Variants in KRT76 observed in about 807,000 individuals in gnomAD.
KRT76 encodes keratin, type II cytoskeletal 2 oral.
KRT76 carries 47 observed loss-of-function variants against 44.9 expected under a neutral mutation model. That is an observed-to-expected ratio of 1.05 (90% CI 0.83 to 1.33). The LOEUF is 1.33. KRT76 is among the 40% of genes most tolerant of loss of function. The pLI is 0.00. For missense variants in KRT76, 860 were observed against 775.8 expected (o/e 1.11, Z -1.29); for synonymous variants, 331 against 294.1 (o/e 1.13, Z -1.28).
In KRT76 at chr12:52,774,923, C is replaced by T. The variant is rs1939237127; in HGVS notation, c.815+465G>A. Among the ~76,000 whole-genome samples the T allele has an allele frequency of 2.0e-5, 3 of 152,156 alleles. No homozygotes were observed. In the South Asian group the frequency reaches 6.2e-4, roughly 32 times the overall value. On this transcript the variant is annotated intron_variant, in intron 2 of 8. Coordinates refer to ENST00000332411, the MANE Select transcript of KRT76 (RefSeq NM_015848.4). ...GCAGAACAGGAGATTGGACGGGACA[C>T]ACTGATAAAGGCCTTTACCAAGTGC...
In KRT76 at chr12:52,768,660, A is replaced by G; in HGVS notation, c.*53T>C. 2 of 1,540,492 alleles carry G rather than the reference A, an allele frequency of 1.3e-6. No homozygotes were observed. Among genetic ancestry groups the G allele is most frequent in the Middle Eastern group, 3.5e-4 (2 of 5,720 alleles). ...TGATGCCAAGCAGAGAGTGGGAAAC[A>G]CTATTGCAGGCTGAGTGGGAAGCAG... On this transcript the variant is annotated 3_prime_UTR_variant, in exon 9 of 9. Transcript: ENST00000332411.
Position 52,771,066 on chromosome 12 carries a change from T to C in KRT76, c.1417A>G (p.Asn473Asp). 1 of 1,614,136 alleles carries C rather than the reference T, an allele frequency of 6.2e-7. No individual in the cohort carries two copies. Among genetic ancestry groups the C allele is most frequent in the Non-Finnish European group, 8.5e-7 (1 of 1,180,024 alleles). ...TCCACATCCAGGGCCAGCTTGACGT[T>C]CATCAGCTCCTGGTAGTCACGCAGG... ...RLLRDYQELM[N>D]VKLALDVEIA... Residue 473 changes from asparagine (N) to aspartate (D), a missense_variant, in exon 7 of 9, where the codon AAC becomes GAC. Asn to Asp is a conservative substitution (Grantham distance 23, BLOSUM62 1). Transcript: ENST00000332411.
chr12:52,776,645 C>T (rs770545356), intron 1 of KRT76, 47 bp downstream of exon 1: 16 of 1,612,890 alleles, frequency 9.9e-6, no homozygotes, highest in Non-Finnish European at 1.3e-5. Flanking sequence ...TACACCGACC[C>T]CTGGGCACCC....
rs767930439 is a variant in KRT76, at chr12:52,769,516, C to T, written c.1519+33G>A. 202 of 1,601,520 alleles carry T rather than the reference C, an allele frequency of 1.3e-4. No individual in the cohort carries two copies. In the Middle Eastern group the frequency reaches 6.8e-3, roughly 54 times the overall value. On this transcript the variant is annotated intron_variant, in intron 8 of 8. Transcript: ENST00000332411. ...TTGTTTCTAGCTGCCCTTTTACAAC[C>T]CAGGGAGAGGGTTTTTTGAATGGGC...
chr12:52,775,810 C>T (rs532110713), intron 1 of KRT76, among the ~76,000 whole-genome samples: 6 of 152,210 alleles, frequency 3.9e-5, no homozygotes, highest in South Asian at 2.1e-4. Flanking sequence ...CATGTATTTC[C>T]GTCACATTTA....
chr12:52,777,238 A>G lies in KRT76; in HGVS notation c.54T>C (p.Ser18=), dbSNP rs746147114. 2.0e-5 allele frequency: 33 copies of G among 1,614,116 alleles called. 1 individual carries two copies. In the Admixed American group the frequency reaches 4.3e-4, roughly 21 times the overall value. ...KSFSGRSQGF[S]GRSAVVSGSS... ...TGCCGGAGACCACAGCAGAGCGGCC[A>G]GAGAAACCCTGGCTCCTGCCACTGA... Residue 18 remains serine, a synonymous_variant, in exon 1 of 9, where the codon TCT becomes TCC. Coordinates refer to ENST00000332411, the MANE Select transcript of KRT76 (RefSeq NM_015848.4).
chr12:52,770,925 C>T (rs1939169156), intron 7 of KRT76, 74 bp downstream of exon 7: 3 of 1,588,738 alleles, frequency 1.9e-6, no homozygotes, highest in Non-Finnish European at 2.6e-6. Context: ...TCCTTATCAT[C>T]TTGCCCCCTT....
chr12:52,772,320 C>T, intron 4 of KRT76, 62 bp from the exon 5 acceptor site: 1 of 1,486,850 alleles, frequency 6.7e-7, no homozygotes, highest in South Asian at 1.4e-5. Flanking sequence ...TGGGAATCCT[C>T]TACTAGCGGA....
Position 52,768,965 on chromosome 12 carries a change from G to C in KRT76, c.1665C>G (p.Ser555Arg). The C allele has an allele frequency of 1.6e-6, 2 of 1,267,408 alleles. No homozygotes were observed. Among genetic ancestry groups the C allele is most frequent in the Non-Finnish European group, 2.3e-6 (2 of 882,126 alleles). 78.5% of individuals were successfully genotyped at this position (1,267,408 alleles called of 1,614,324 possible). The part of the protein sequence containing the change: ...SSSGYGVSGG[S>R]GSGYGGVSSG... The stretch of plus-strand genomic sequence containing the variant: ...TGCTGACCCCTCCATAGCCACTGCC[G>C]CTGCCGCCACTGACTCCATAGCCAC... The change falls in exon 9 of 9, where the codon AGC (serine) becomes AGG (arginine). Residue 555 changes from serine (S) to arginine (R), a missense_variant. By Grantham distance (110) the Ser-to-Arg change is moderately radical. Coordinates refer to ENST00000332411, the MANE Select transcript of KRT76 (RefSeq NM_015848.4).
chr12:52,768,965 G>A lies in KRT76; in HGVS notation c.1665C>T (p.Ser555=), dbSNP rs140093642. 37,605 of 1,266,906 alleles carry A rather than the reference G, an allele frequency of 0.03. 695 individuals are homozygous for A. The highest frequency in any genetic ancestry group is 0.038 in the Middle Eastern group (205 of 5,446). The allele number at this position is 1,266,906 out of a possible 1,614,324, so 78.5% of individuals were successfully genotyped here. The part of the protein sequence containing the change: ...SSSGYGVSGG[S]GSGYGGVSSG... ...TGCTGACCCCTCCATAGCCACTGCC[G>A]CTGCCGCCACTGACTCCATAGCCAC... Residue 555 remains serine (S), a synonymous_variant, in exon 9 of 9, where the codon AGC becomes AGT. Coordinates refer to ENST00000332411, the MANE Select transcript of KRT76 (RefSeq NM_015848.4).
intron 8 of KRT76, 23 bp downstream of exon 8, chr12:52,769,526 G>A (rs1939146853): frequency 6.2e-6 from 10 of 1,609,036 alleles, no homozygotes; most frequent in South Asian, 2.2e-5. Context: ...CCAGGGAGAG[G>A]GTTTTTTGAA....
At chr12:52,772,707 G>T in intron 4 of KRT76, 76 bp downstream of exon 4, 1 of 1,049,458 alleles carries the variant, frequency 9.5e-7, no homozygotes, top group Non-Finnish European at 1.5e-6. Flanking sequence ...GTGTTGTGCT[G>T]TTTGGCTGTC....
At chr12:52,772,600 G>T (rs1325359190) in intron 4 of KRT76, among the ~76,000 whole-genome samples, 183 bp downstream of exon 4, 1 of 152,194 alleles carries the variant, frequency 6.6e-6, no homozygotes, top group Non-Finnish European at 1.5e-5. Flanking sequence ...AATGGCCTGA[G>T]GACCTGTGGG....
intron 1 of KRT76, 93 bp downstream of exon 1, chr12:52,776,599 C>T: frequency 1.3e-6 from 2 of 1,599,456 alleles, no homozygotes; most frequent in Non-Finnish European, 1.7e-6. Context: ...CCAAGCGCCC[C>T]TGCCCTGTGT....
rs183665387 is a variant in KRT76, at chr12:52,773,980, C to T, written c.816-338G>A. ...CCAAATAGCTGGGACTGGAGGCATG[C>T]ACCACCACGTCCAGCCAATTTTTTA... is the stretch of plus-strand genomic sequence containing the variant. On this transcript the variant is annotated intron_variant, in intron 2 of 8. Transcript: ENST00000332411. Among the ~76,000 whole-genome samples, 450 of 152,180 alleles carry T rather than the reference C, an allele frequency of 3.0e-3. 1 individual carries two copies. The highest frequency in any genetic ancestry group is 9.9e-3 in the African/African-American group (412 of 41,512).
intron 6 of KRT76, among the ~76,000 whole-genome samples, chr12:52,771,534 A>G (rs1320440717): frequency 6.6e-6 from 1 of 152,208 alleles, no homozygotes; most frequent in Non-Finnish European, 1.5e-5. Context: ...CTTCATTCCA[A>G]TGATACAGAG....
intron 7 of KRT76, 42 bp from the exon 8 acceptor site, chr12:52,769,625 C>A: frequency 1.3e-6 from 2 of 1,581,456 alleles, no homozygotes; most frequent in South Asian, 2.2e-5. Context: ...TGTTATGAGT[C>A]AATAACCAAA....
In KRT76 at chr12:52,769,855, T is replaced by C. The variant is rs74094388; in HGVS notation, c.1485-272A>G. Among the ~76,000 whole-genome samples the C allele has an allele frequency of 6.4e-3, 972 of 152,330 alleles. 14 individuals are homozygous for C. Among genetic ancestry groups the C allele is most frequent in the African/African-American group, 0.022 (928 of 41,570 alleles). On this transcript the variant is annotated intron_variant, in intron 7 of 8. Coordinates refer to ENST00000332411, the MANE Select transcript of KRT76 (RefSeq NM_015848.4). ...ACTTGATGCCCAGCTCTGCCTTGAT[T>C]GGCCTGTCCCCACTTCTCATCCCCT...
rs1939244787 is a variant in KRT76 at position 52,775,387 on chromosome 12, C to T, written c.815+1G>A. On this transcript the variant is annotated splice_donor_variant, in intron 2 of 8. Transcript: ENST00000332411. LOFTEE classifies it high-confidence loss of function. The stretch of plus-strand genomic sequence containing the variant: ...GGAAACTTCCCAGGAGGAGCCCTCA[C>T]TTCTTTTTGAAGTCTTCCACCAGGT... The T allele has an allele frequency of 6.2e-7, 1 of 1,614,088 alleles. No homozygotes were observed. The highest frequency in any genetic ancestry group is 1.1e-5 in the South Asian group (1 of 91,080).
Sources: gnomAD v4.1 joint callset for allele counts (sites outside exome capture counted in the v4.1 genomes callset) on GRCh38, gnomAD v4.1.1 for gene constraint, MANE v1.5 for transcripts, NCBI Gene and HGNC (gene_info 2026-07-23, HGNC 2026-07-21) for gene names.